FOXP1: variants seen among roughly 807,000 people sequenced by gnomAD.
FOXP1 encodes the protein forkhead box P1, also known as forkhead box protein P1.
In FOXP1, 15 loss-of-function variants were observed where a neutral mutation model predicts 98.2. The ratio of observed to expected loss-of-function variants is 0.15; its 90% CI spans 0.10 to 0.24. The LOEUF (loss-of-function observed/expected upper bound fraction) is 0.24, where lower values mean the gene tolerates loss of function less well. Ranked by LOEUF, FOXP1 falls within the 10% of genes least tolerant of loss-of-function variation. The pLI is 1.00. For synonymous variants in FOXP1, 371 were observed against 314.5 expected (o/e 1.18, Z -1.90); for missense variants, 633 against 848.5 (o/e 0.75, Z 3.15).
intron 2 of FOXP1, among the ~76,000 whole-genome samples, chr3:71,543,899 A>C (rs1444098904): frequency 6.6e-6 from 1 of 152,246 alleles, no homozygotes; most frequent in Admixed American, 6.5e-5. Flanking sequence ...ATGTGTTTGA[A>C]GTGGTTCTCT....
intron 13 of FOXP1, among the ~76,000 whole-genome samples, chr3:70,990,541 C>G (rs552511771): frequency 6.6e-6 from 1 of 152,136 alleles, no homozygotes; most frequent in Non-Finnish European, 1.5e-5. Flanking sequence ...CAAGCATATT[C>G]CAGCATTTCC....
chr3:71,507,608 C>T (rs2041918288), intron 2 of FOXP1, among the ~76,000 whole-genome samples: 1 of 151,080 alleles, frequency 6.6e-6, no homozygotes, highest in Non-Finnish European at 1.5e-5. Flanking sequence ...GATGGAGTCT[C>T]GCTCTGTCAC....
chr3:71,086,090 C>T (rs144546240), intron 7 of FOXP1, among the ~76,000 whole-genome samples: 54 of 152,224 alleles, frequency 3.5e-4, no homozygotes, highest in African/African-American at 1.1e-3. Context: ...TGGCAGGTCA[C>T]GATTCAAACA....
chr3:71,514,385 G>A (rs962091967), intron 2 of FOXP1, among the ~76,000 whole-genome samples: 2 of 152,060 alleles, frequency 1.3e-5, no homozygotes, highest in African/African-American at 2.4e-5. Flanking sequence ...TCATTCCCTG[G>A]TTTTTCTTCT....
intron 3 of FOXP1, among the ~76,000 whole-genome samples, chr3:71,486,668 G>A (rs1461250483): frequency 6.6e-6 from 1 of 152,138 alleles, no homozygotes; most frequent in East Asian, 1.9e-4. Flanking sequence ...TGTACTAATT[G>A]CTTACTTTTC....
intron 2 of FOXP1, among the ~76,000 whole-genome samples, chr3:71,519,195 G>A (rs924106638): frequency 6.6e-6 from 1 of 152,190 alleles, no homozygotes; most frequent in Admixed American, 6.5e-5. Flanking sequence ...GCAGTGAGCC[G>A]AGATTGTGCC....
At chr3:71,309,740 T>A (rs1173382814) in intron 4 of FOXP1, among the ~76,000 whole-genome samples, 1 of 152,166 alleles carries the variant, frequency 6.6e-6, no homozygotes, top group African/African-American at 2.4e-5. Context: ...CCCACTTCAA[T>A]GATTTTGTTG....
At chr3:71,390,752 C>T (rs1198406835) in intron 3 of FOXP1, among the ~76,000 whole-genome samples, 2 of 152,288 alleles carry the variant, frequency 1.3e-5, no homozygotes, top group Non-Finnish European at 2.9e-5. Flanking sequence ...AAGTTAAAAA[C>T]GGTTAAATAA....
At chr3:71,521,347 T>C (rs2042971594) in intron 2 of FOXP1, among the ~76,000 whole-genome samples, 1 of 152,076 alleles carries the variant, frequency 6.6e-6, no homozygotes, top group Non-Finnish European at 1.5e-5. Flanking sequence ...GCCAATATGG[T>C]GAAACCTCGT....
At chr3:71,083,882 G>A (rs1268652308) in intron 7 of FOXP1, among the ~76,000 whole-genome samples, 2 of 152,182 alleles carry the variant, frequency 1.3e-5, no homozygotes, top group Non-Finnish European at 2.9e-5. Flanking sequence ...ATGGGAAAAA[G>A]TCTTGACTAA....
In FOXP1 at chr3:71,199,456, G is replaced by T. The variant is rs571744985; in HGVS notation, c.-11-1064C>A. Among the ~76,000 whole-genome samples, 14 of 152,146 alleles carry T rather than the reference G, an allele frequency of 9.2e-5. No individual in the cohort carries two copies. The East Asian group carries it at 2.7e-3, about 30-fold the overall frequency. On this transcript the variant is annotated intron_variant, in intron 5 of 20. Coordinates refer to ENST00000649528, the MANE Select transcript of FOXP1 (RefSeq NM_001349338.3). ...AAAAATATATATAGGCCTGGGGGCG[G>T]TGGCTCACACCTGTAATCCCAGCAC...
intron 2 of FOXP1, among the ~76,000 whole-genome samples, chr3:71,564,988 G>A (rs1367129780): frequency 2.0e-5 from 3 of 152,066 alleles, no homozygotes; most frequent in Admixed American, 6.5e-5. Flanking sequence ...GGTGGTACAC[G>A]CCTGTAGTCT....
intron 2 of FOXP1, among the ~76,000 whole-genome samples, chr3:71,526,828 G>C (rs929553186): frequency 6.6e-6 from 1 of 152,038 alleles, no homozygotes; most frequent in Non-Finnish European, 1.5e-5. Context: ...TTAGTCGGGC[G>C]TGGTGGCGCA....
At chr3:70,963,828 C>T (rs755013619) in intron 20 of FOXP1, among the ~76,000 whole-genome samples, 7 of 152,234 alleles carry the variant, frequency 4.6e-5, no homozygotes, top group East Asian at 1.9e-4. Context: ...TTTCAAAGGA[C>T]GAACGAAACG....
Position 71,232,779 on chromosome 3 carries a change from T to C in FOXP1, c.-11-34387A>G, listed in dbSNP as rs151320283. 2.5e-3 allele frequency among the ~76,000 whole-genome samples: 373 copies of C among 147,340 alleles called. 1 individual carries two copies. Among genetic ancestry groups the C allele is most frequent in the African/African-American group, 8.8e-3 (351 of 39,844 alleles). On this transcript the variant is annotated intron_variant, in intron 5 of 20. Coordinates refer to ENST00000649528, the MANE Select transcript of FOXP1 (RefSeq NM_001349338.3). ...AGCCAATTGCAGTGATGCACACTTG[T>C]AGTCCCAGCTACTTGGGATGAAGAG...
At chr3:71,470,094 A>T (rs1480879831) in intron 3 of FOXP1, among the ~76,000 whole-genome samples, 1 of 151,966 alleles carries the variant, frequency 6.6e-6, no homozygotes, top group Admixed American at 6.5e-5. Context: ...TAAAATATTC[A>T]TAAAACATAA....
chr3:71,311,654 G>T (rs550527845), intron 4 of FOXP1, among the ~76,000 whole-genome samples: 7 of 152,256 alleles, frequency 4.6e-5, no homozygotes, highest in African/African-American at 1.4e-4. Flanking sequence ...CAGTATAGCT[G>T]GAAAGACCTC....
chr3:70,960,257 C>T (rs2033021262), intron 20 of FOXP1, among the ~76,000 whole-genome samples: 1 of 152,134 alleles, frequency 6.6e-6, no homozygotes, highest in Non-Finnish European at 1.5e-5. Context: ...AAGGCTCGCT[C>T]AACACAACAA....
intron 4 of FOXP1, among the ~76,000 whole-genome samples, chr3:71,320,662 C>T (rs929341538): frequency 6.6e-6 from 1 of 152,142 alleles, no homozygotes; most frequent in African/African-American, 2.4e-5. Flanking sequence ...TTGCTAAGCT[C>T]TATCCCAGTC....
Sources: gnomAD v4.1 joint callset for allele counts (sites outside exome capture counted in the v4.1 genomes callset) on GRCh38, gnomAD v4.1.1 for gene constraint, MANE v1.5 for transcripts, NCBI Gene and HGNC (gene_info 2026-07-23, HGNC 2026-07-21) for gene names.